The following AVL9 variants were observed in gnomAD, a reference collection of about 807,000 sequenced individuals.
AVL9 encodes the protein AVL9 cell migration associated.
A neutral mutation model predicts 79.2 loss-of-function variants in AVL9; 49 were observed. The observed-to-expected ratio is 0.62, with a 90% confidence interval of 0.49 to 0.79. The LOEUF is 0.79. Ranked by LOEUF, AVL9 falls within the 30% of genes least tolerant of loss-of-function variation. The pLI is 0.00. For synonymous variants in AVL9, 299 were observed against 280.6 expected (o/e 1.07, Z -0.65); for missense variants, 682 against 776.8 (o/e 0.88, Z 1.45).
chr7:32,579,453 ATATATTATATATAATATAT>A (rs1351004065), intron 13 of AVL9, among the ~76,000 whole-genome samples: 74 of 6,778 alleles, frequency 0.011, 26 homozygotes, highest in Middle Eastern at 0.1. Context: ...ATAATATATT[ATATATTATATATAATATAT>A]TATATTATAT....
Position 32,495,669 on chromosome 7 carries a change from T to G in AVL9, c.-41T>G. 2 of 1,234,564 alleles carry G rather than the reference T, an allele frequency of 1.6e-6. No individual in the cohort carries two copies. Among genetic ancestry groups the G allele is most frequent in the Non-Finnish European group, 2.1e-6 (2 of 973,008 alleles). The allele number at this position is 1,234,564 out of a possible 1,614,324, so 76.5% of individuals were successfully genotyped here. A position where few individuals can be genotyped will look rare whatever the true frequency, so the allele number is the denominator to read the frequency against. On this transcript the variant is annotated 5_prime_UTR_variant, in exon 1 of 16. Transcript: ENST00000318709. ...GGTGGGGTCGTCAGACCCGCTGCCC[T>G]TGGCGGTCGAAGTCGTCGTGCGGGC...
chr7:32,560,228 A>G (rs925187149), intron 10 of AVL9, among the ~76,000 whole-genome samples: 7 of 143,124 alleles, frequency 4.9e-5, no homozygotes, highest in African/African-American at 1.3e-4. Flanking sequence ...TAAATAATAA[A>G]TGTTTATTAT....
At chr7:32,564,885 G>A (rs1242568255) in intron 10 of AVL9, among the ~76,000 whole-genome samples, 3 of 152,160 alleles carry the variant, frequency 2.0e-5, no homozygotes, top group African/African-American at 7.2e-5. Flanking sequence ...ATTTGTGCCT[G>A]TGTAATATTT....
At chr7:32,554,908 G>A (rs374545508) in intron 8 of AVL9, among the ~76,000 whole-genome samples, 1 of 152,064 alleles carries the variant, frequency 6.6e-6, no homozygotes, top group Non-Finnish European at 1.5e-5. Flanking sequence ...CCATCTCTTT[G>A]CTCTACAGTG....
At chr7:32,573,499 A>G (rs1267944678) in intron 12 of AVL9, 81 bp downstream of exon 12, 33 of 1,215,914 alleles carry the variant, frequency 2.7e-5, no homozygotes, top group Non-Finnish European at 3.7e-5. Flanking sequence ...TTTGGATTGC[A>G]CAATAAATAC....
At chr7:32,579,544 T>A (rs867391914) in intron 13 of AVL9, among the ~76,000 whole-genome samples, 1 of 3,698 alleles carries the variant, frequency 2.7e-4, no homozygotes, top group Non-Finnish European at 4.5e-4. Context: ...TATTATATAT[T>A]ATATATTATA....
chr7:32,581,661 A>T (rs972540583), intron 15 of AVL9: 1 of 152,080 alleles, frequency 6.6e-6, no homozygotes, highest in Non-Finnish European at 1.5e-5. Flanking sequence ...GTGAGACCCC[A>T]TCTCTAAAAA....
intron 13 of AVL9, among the ~76,000 whole-genome samples, chr7:32,577,101 A>AG (rs754487827): frequency 6.6e-6 from 1 of 152,236 alleles, no homozygotes; most frequent in Non-Finnish European, 1.5e-5. Context: ...TGGGAGGCTG[A>AG]GGCGGGTGGA....
chr7:32,569,925 TG>T (rs1430255698), intron 10 of AVL9, 94 bp from the exon 11 acceptor site: 15 of 1,208,528 alleles, frequency 1.2e-5, no homozygotes, highest in Non-Finnish European at 1.7e-5. Context: ...CAAGGAAGAA[TG>T]GAAGTTTCTT....
In AVL9 at chr7:32,580,801, G is replaced by C; in HGVS notation, c.1743-1G>C. 3 of 1,611,638 alleles carry C rather than the reference G, an allele frequency of 1.9e-6. No individual in the cohort carries two copies. Among genetic ancestry groups the C allele is most frequent in the Non-Finnish European group, 2.5e-6 (3 of 1,178,200 alleles). Reference sequence around the variant, plus strand: ...CTTCTTTTATCTTATCTTTTACCCAGTTCTGTTCAGAATAGTGAACGTGGC... The same window carrying C: ...CTTCTTTTATCTTATCTTTTACCCACTTCTGTTCAGAATAGTGAACGTGGC... On this transcript the variant is annotated splice_acceptor_variant, in intron 14 of 15. Transcript: ENST00000318709. LOFTEE classifies it high-confidence loss of function.
chr7:32,541,735 AC>A (rs1424560240), intron 1 of AVL9, among the ~76,000 whole-genome samples: 1 of 148,404 alleles, frequency 6.7e-6, no homozygotes, highest in Non-Finnish European at 1.5e-5. Flanking sequence ...TTTTTTTGAG[AC>A]AGAGTCTCAC....
chr7:32,501,556 T>C (rs563966004), intron 1 of AVL9, among the ~76,000 whole-genome samples: 2 of 152,342 alleles, frequency 1.3e-5, no homozygotes, highest in African/African-American at 4.8e-5. Flanking sequence ...ATCTCTGACT[T>C]AGCAGGGCTG....
At chr7:32,556,139 A>G (rs139163531) in intron 8 of AVL9, among the ~76,000 whole-genome samples, 2 of 152,336 alleles carry the variant, frequency 1.3e-5, no homozygotes, top group South Asian at 4.1e-4. Flanking sequence ...GGAAGTAAAG[A>G]TATCAACCTA....
At chr7:32,572,161 CA>C (rs1313750898) in intron 11 of AVL9, among the ~76,000 whole-genome samples, 8 of 116,086 alleles carry the variant, frequency 6.9e-5, no homozygotes, top group Admixed American at 8.5e-5. Flanking sequence ...AATTCTGTCT[CA>C]AAAAAAAAAG....
chr7:32,523,046 G>A (rs962595805), intron 1 of AVL9, among the ~76,000 whole-genome samples: 14 of 149,672 alleles, frequency 9.4e-5, no homozygotes, highest in African/African-American at 3.0e-4. Context: ...CCAGCCTCAG[G>A]TATGAATCAG....
At chr7:32,498,329 A>G (rs1399001270) in intron 1 of AVL9, among the ~76,000 whole-genome samples, 1 of 145,310 alleles carries the variant, frequency 6.9e-6, no homozygotes, top group African/African-American at 2.6e-5. Context: ...ACTCACTGCA[A>G]CTTTCACCTC....
chr7:32,543,171 G>A lies in AVL9; in HGVS notation c.124G>A (p.Gly42Arg), dbSNP rs1476522480. 1.2e-6 allele frequency: 2 copies of A among 1,613,970 alleles called. No individual in the cohort carries two copies. The highest frequency in any genetic ancestry group is 1.7e-6 in the Non-Finnish European group (2 of 1,180,016). Reference sequence around the variant, plus strand: ...ATTCTCTTACCCGCCCCTGATTCCAGGAGATGGACATGACAGCCACACTTT... The same window carrying A: ...ATTCTCTTACCCGCCCCTGATTCCAAGAGATGGACATGACAGCCACACTTT... ...VEFSYPPLIP[G>R]DGHDSHTLPE... Residue 42 changes from glycine to arginine, a missense_variant, in exon 2 of 16, where the codon GGA (glycine) becomes AGA (arginine). Transcript: ENST00000318709.
intron 10 of AVL9, 113 bp from the exon 11 acceptor site, chr7:32,569,907 A>G: frequency 1.0e-6 from 1 of 1,000,038 alleles, no homozygotes; most frequent in Middle Eastern, 3.0e-4. Flanking sequence ...GCTGACTTAC[A>G]GACAGGGCAA....
intron 1 of AVL9, among the ~76,000 whole-genome samples, chr7:32,505,391 C>T (rs1787362888): frequency 6.6e-6 from 1 of 151,554 alleles, no homozygotes; most frequent in South Asian, 2.1e-4. Flanking sequence ...AGGCATGTAG[C>T]AGGTGTCTGT....
Sources: allele counts gnomAD v4.1 joint callset (sites outside exome capture counted in the v4.1 genomes callset), GRCh38; gene constraint gnomAD v4.1.1; transcripts MANE v1.5; gene names NCBI Gene and HGNC (gene_info 2026-07-23, HGNC 2026-07-21).